LHPP: variants seen among roughly 807,000 people sequenced by gnomAD.
The protein encoded by LHPP is hLHPP.
LHPP carries 24 observed loss-of-function variants against 30.3 expected under a neutral mutation model. The observed-to-expected ratio is 0.79, with a 90% confidence interval of 0.57 to 1.11. LHPP has a LOEUF of 1.11. Among genes scored for constraint, LHPP ranks in the 50% most tolerant of loss-of-function variants. LHPP has a pLI of 0.00. For synonymous variants in LHPP, 150 were observed against 157.1 expected (o/e 0.95, Z 0.34); for missense variants, 356 against 367.2 (o/e 0.97, Z 0.25).
At chr10:124,549,692 C>T (rs1955430992) in intron 6 of LHPP, among the ~76,000 whole-genome samples, 2 of 152,372 alleles carry the variant, frequency 1.3e-5, no homozygotes, top group African/African-American at 4.8e-5. Flanking sequence ...CGGGACCTTA[C>T]ATCTGGGGAA....
chr10:124,485,624 G>T (rs1226672314), intron 2 of LHPP, among the ~76,000 whole-genome samples: 3 of 150,788 alleles, frequency 2.0e-5, no homozygotes, highest in Non-Finnish European at 4.4e-5. Flanking sequence ...TGGAGACAGA[G>T]TCTTGCTCTG....
chr10:124,482,613 C>G (rs1209014522), intron 1 of LHPP, among the ~76,000 whole-genome samples: 1 of 152,054 alleles, frequency 6.6e-6, no homozygotes, highest in Non-Finnish European at 1.5e-5. Flanking sequence ...GCCTGTCACC[C>G]TCCCCCCAGG....
chr10:124,577,229 G>A (rs1348526995), intron 6 of LHPP, among the ~76,000 whole-genome samples: 1 of 152,132 alleles, frequency 6.6e-6, no homozygotes, highest in African/African-American at 2.4e-5. Flanking sequence ...TGTGTCTGAT[G>A]GCCGAGGCCA....
At chr10:124,468,526 T>C (rs1952628873) in intron 1 of LHPP, among the ~76,000 whole-genome samples, 1 of 152,172 alleles carries the variant, frequency 6.6e-6, no homozygotes, top group South Asian at 2.1e-4. Context: ...CCCCATGGGC[T>C]TCCCATGCCA....
At chr10:124,589,299 G>A (rs1011282662) in intron 6 of LHPP, among the ~76,000 whole-genome samples, 1 of 152,244 alleles carries the variant, frequency 6.6e-6, no homozygotes, top group Non-Finnish European at 1.5e-5. Context: ...AGTGTGCACC[G>A]CAGGTCCTAA....
chr10:124,582,096 T>TATA (rs34592965), intron 6 of LHPP, among the ~76,000 whole-genome samples: 23 of 151,328 alleles, frequency 1.5e-4, no homozygotes, highest in African/African-American at 2.2e-4. Context: ...TATATATATA[T>TATA]TTTTTAAAGT....
At chr10:124,565,502 T>C (rs1948472658) in intron 6 of LHPP, among the ~76,000 whole-genome samples, 1 of 152,142 alleles carries the variant, frequency 6.6e-6, no homozygotes, top group South Asian at 2.1e-4. Flanking sequence ...ATTTGATGTC[T>C]AATTTTAGAA....
At chr10:124,483,381 G>T (rs780547425) in intron 1 of LHPP, among the ~76,000 whole-genome samples, 2 of 152,216 alleles carry the variant, frequency 1.3e-5, no homozygotes, top group Admixed American at 6.5e-5. Flanking sequence ...GAAAGGGACA[G>T]AGAAATAGCT....
intron 6 of LHPP, among the ~76,000 whole-genome samples, chr10:124,539,284 C>T (rs892753138): frequency 6.6e-6 from 1 of 152,192 alleles, no homozygotes; most frequent in East Asian, 1.9e-4. Flanking sequence ...GCACCCAAGG[C>T]CACGTCCTGC....
intron 6 of LHPP, among the ~76,000 whole-genome samples, chr10:124,600,138 AG>A (rs1949002718): frequency 1.3e-5 from 2 of 152,300 alleles, no homozygotes; most frequent in East Asian, 3.9e-4. Flanking sequence ...GCCAGCTCCA[AG>A]GCCCCCCTGT....
intron 2 of LHPP, among the ~76,000 whole-genome samples, chr10:124,485,864 G>C (rs921459128): frequency 3.9e-5 from 6 of 152,164 alleles, no homozygotes; most frequent in African/African-American, 1.4e-4. Flanking sequence ...GCCTCCCAAA[G>C]TGCTGGGATT....
intron 1 of LHPP, among the ~76,000 whole-genome samples, chr10:124,483,911 A>G (rs1186810970): frequency 6.6e-6 from 1 of 152,022 alleles, no homozygotes; most frequent in Non-Finnish European, 1.5e-5. Flanking sequence ...GAGGATGGAA[A>G]AGAGTTGTCG....
chr10:124,466,475 G>C (rs1253584688), intron 1 of LHPP, among the ~76,000 whole-genome samples: 3 of 152,056 alleles, frequency 2.0e-5, no homozygotes, highest in African/African-American at 7.2e-5. Flanking sequence ...TTTTGTTTTT[G>C]AAACAGAGTG....
At chr10:124,494,529 G>A (rs1451270862) in intron 3 of LHPP, among the ~76,000 whole-genome samples, 1 of 152,140 alleles carries the variant, frequency 6.6e-6, no homozygotes, top group Non-Finnish European at 1.5e-5. Flanking sequence ...CCACCTCGAT[G>A]CCCTCCTTCT....
At chr10:124,572,281 C>T (rs996778575) in intron 6 of LHPP, among the ~76,000 whole-genome samples, 3 of 152,128 alleles carry the variant, frequency 2.0e-5, no homozygotes, top group South Asian at 2.1e-4. Flanking sequence ...TTGCAGTAAC[C>T]GACGGAGTGG....
chr10:124,601,111 G>A (rs1423653138), intron 6 of LHPP, among the ~76,000 whole-genome samples: 1 of 152,184 alleles, frequency 6.6e-6, no homozygotes, highest in Non-Finnish European at 1.5e-5. Flanking sequence ...GGGAGCTAAA[G>A]CTTTAGGGCA....
intron 6 of LHPP, among the ~76,000 whole-genome samples, chr10:124,580,528 A>G (rs1313417468): frequency 1.3e-5 from 2 of 152,150 alleles, no homozygotes; most frequent in African/African-American, 4.8e-5. Context: ...CTTTTCTCTC[A>G]CTGACTTATA....
At chr10:124,557,779 G>T (rs1948328306) in intron 6 of LHPP, among the ~76,000 whole-genome samples, 1 of 152,130 alleles carries the variant, frequency 6.6e-6, no homozygotes, top group South Asian at 2.1e-4. Flanking sequence ...CACACTGGGG[G>T]AGGGATGGCT....
intron 6 of LHPP, among the ~76,000 whole-genome samples, chr10:124,547,993 G>C (rs1396635770): frequency 6.6e-6 from 1 of 152,226 alleles, no homozygotes; most frequent in Non-Finnish European, 1.5e-5. Context: ...TGCCTGGTGA[G>C]CCTGGGCCGG....
Sources: gnomAD v4.1 joint callset for allele counts (sites outside exome capture counted in the v4.1 genomes callset) on GRCh38, gnomAD v4.1.1 for gene constraint, MANE v1.5 for transcripts, NCBI Gene and HGNC (gene_info 2026-07-23, HGNC 2026-07-21) for gene names.